Variants in STK38L observed in about 807,000 individuals in gnomAD.
STK38L encodes serine/threonine kinase 38 like, also known as serine/threonine-protein kinase 38-like.
STK38L carries 28 observed loss-of-function variants against 59.7 expected under a neutral mutation model. The ratio of observed to expected loss-of-function variants is 0.47; its 90% CI spans 0.35 to 0.64. The LOEUF (loss-of-function observed/expected upper bound fraction) is 0.64, where lower values mean the gene tolerates loss of function less well. STK38L is among the 30% of genes least tolerant of loss of function. The pLI, the probability that STK38L is intolerant of heterozygous loss-of-function variation, is 0.01. For missense variants in STK38L, 314 were observed against 555.8 expected (o/e 0.56, Z 4.37); for synonymous variants, 162 against 176.8 (o/e 0.92, Z 0.66).
chr12:27,287,854 C>T (rs1371823269), intron 1 of STK38L, among the ~76,000 whole-genome samples: 1 of 152,164 alleles, frequency 6.6e-6, no homozygotes, highest in Non-Finnish European at 1.5e-5. Context: ...TATGTTGCCT[C>T]ATTCTAAGCG....
Position 27,319,242 on chromosome 12 carries a change from T to C in STK38L, c.1080-86T>C, listed in dbSNP as rs1021232886. On this transcript the variant is annotated intron_variant, in intron 11 of 13. Transcript: ENST00000389032. ...CAATAAAAGAAAAACATTATATTTCTTTAAAAAAGAAATATTTGAAGTAAT... is the reference window on the plus strand; with the variant it reads ...CAATAAAAGAAAAACATTATATTTCCTTAAAAAAGAAATATTTGAAGTAAT... 3.2e-5 allele frequency: 26 copies of C among 808,746 alleles called. No homozygotes were observed. In the African/African-American group the frequency reaches 4.4e-4, roughly 14 times the overall value. The allele number at this position is 808,746 out of a possible 1,614,324, so 50.1% of individuals were successfully genotyped here. A position where few individuals can be genotyped will look rare whatever the true frequency, so the allele number is the denominator to read the frequency against.
intron 1 of STK38L, among the ~76,000 whole-genome samples, chr12:27,268,223 C>T (rs137901519): frequency 0.12 from 18,084 of 151,974 alleles, 1,284 homozygotes; most frequent in Non-Finnish European, 0.17. Flanking sequence ...CCCATTAACT[C>T]GTCATTTAAC....
chr12:27,310,490 A>C (rs1015872630), intron 5 of STK38L, among the ~76,000 whole-genome samples: 1 of 152,174 alleles, frequency 6.6e-6, no homozygotes, highest in Admixed American at 6.5e-5. Flanking sequence ...TGTAGTGTAG[A>C]TACCAGCCAG....
chr12:27,250,186 G>A (rs1275932889), intron 1 of STK38L, among the ~76,000 whole-genome samples: 1 of 152,032 alleles, frequency 6.6e-6, no homozygotes, highest in Admixed American at 6.6e-5. Flanking sequence ...ACTTTTCAGG[G>A]GGCCAAGTTC....
rs1012168274 is a variant in STK38L at position 27,309,207 on chromosome 12, C to A, written c.393+10C>A. Reference sequence around the variant, plus strand: ...GCTTGAAAAAGAGCAGGTATGAGTTCTTTAACACATGTAATATAAAGGAGC... The same window carrying A: ...GCTTGAAAAAGAGCAGGTATGAGTTATTTAACACATGTAATATAAAGGAGC... On this transcript the variant is annotated intron_variant, in intron 5 of 13. Coordinates refer to ENST00000389032, the MANE Select transcript of STK38L (RefSeq NM_015000.4). The A allele has an allele frequency of 9.5e-6, 15 of 1,576,900 alleles. No homozygotes were observed. The highest frequency in any genetic ancestry group is 1.3e-5 in the Non-Finnish European group (15 of 1,157,972).
intron 1 of STK38L, among the ~76,000 whole-genome samples, chr12:27,254,377 C>A (rs1481986182): frequency 6.6e-6 from 1 of 152,192 alleles, no homozygotes; most frequent in Non-Finnish European, 1.5e-5. Context: ...CCCTAAACTT[C>A]AGATGGTGTC....
Position 27,253,670 on chromosome 12 carries a change from AG to A in STK38L, c.-12+9339del, listed in dbSNP as rs1252456364. Reference sequence around the variant, plus strand: ...AGGGAGAGGGGCACCTACTTGGGATAGTGAGAGAAGCTTTCCAAGGATGTGT... The same window carrying A: ...AGGGAGAGGGGCACCTACTTGGGATATGAGAGAAGCTTTCCAAGGATGTGT... On this transcript the variant is annotated intron_variant, in intron 1 of 13. Transcript: ENST00000389032. Among the ~76,000 whole-genome samples, 5 of 152,302 alleles carry A rather than the reference AG, an allele frequency of 3.3e-5. No homozygotes were observed. The East Asian group carries it at 9.7e-4, about 29-fold the overall frequency.
rs1353864130 is a variant in STK38L at position 27,281,076 on chromosome 12, T to G, written c.-11-16634T>G. On this transcript the variant is annotated intron_variant, in intron 1 of 13. Transcript: ENST00000389032. ...TTTTGGCTTTAGCTTTGTTTTTTTT[T>G]TTTTTTTTTTTTTTTTTTTTTTTTT... Among the ~76,000 whole-genome samples the G allele has an allele frequency of 2.7e-3, 5 of 1,828 alleles. 2 individuals are homozygous for G. Among genetic ancestry groups the G allele is most frequent in the African/African-American group, 0.011 (5 of 450 alleles). 1.2% of individuals were successfully genotyped at this position (1,828 alleles called of 152,430 possible).
At chr12:27,269,912 A>G (rs1196983886) in intron 1 of STK38L, among the ~76,000 whole-genome samples, 1 of 152,090 alleles carries the variant, frequency 6.6e-6, no homozygotes, top group Non-Finnish European at 1.5e-5. Flanking sequence ...CAAAGTGTTG[A>G]GATTACAGGC....
chr12:27,306,353 T>TAA (rs57053659), intron 3 of STK38L, among the ~76,000 whole-genome samples: 1 of 151,090 alleles, frequency 6.6e-6, no homozygotes, highest in East Asian at 1.9e-4. Flanking sequence ...TTTATGTAAT[T>TAA]AAAAAAAAAC....
Position 27,325,320 on chromosome 12 carries a change from A to G in STK38L, c.*2865A>G, listed in dbSNP as rs145313965. 1.3e-5 allele frequency: 2 copies of G among 152,256 alleles called. No individual in the cohort carries two copies. Among genetic ancestry groups the G allele is most frequent in the Non-Finnish European group, 2.9e-5 (2 of 67,982 alleles). 9.4% of individuals were successfully genotyped at this position (152,256 alleles called of 1,614,324 possible). A position where few individuals can be genotyped will look rare whatever the true frequency, so the allele number is the denominator to read the frequency against. ...CTAAGATAGGGTTTCATTTATTTCTATACTTTTTCTGTTTTTTAAACACCT... is the reference window on the plus strand; with the variant it reads ...CTAAGATAGGGTTTCATTTATTTCTGTACTTTTTCTGTTTTTTAAACACCT... On this transcript the variant is annotated 3_prime_UTR_variant, in exon 14 of 14. Coordinates refer to ENST00000389032, the MANE Select transcript of STK38L (RefSeq NM_015000.4).
At chr12:27,255,731 A>C (rs1943077864) in intron 1 of STK38L, among the ~76,000 whole-genome samples, 1 of 152,076 alleles carries the variant, frequency 6.6e-6, no homozygotes, top group African/African-American at 2.4e-5. Flanking sequence ...CACTCCCTGC[A>C]CTGTGAGTGT....
chr12:27,305,530 GTA>G (rs1944289818), intron 3 of STK38L, among the ~76,000 whole-genome samples: 1 of 152,122 alleles, frequency 6.6e-6, no homozygotes, highest in African/African-American at 2.4e-5. Context: ...TTAATATAAA[GTA>G]TGTTACAGCA....
At chr12:27,277,813 C>A (rs1229397201) in intron 1 of STK38L, among the ~76,000 whole-genome samples, 1 of 151,742 alleles carries the variant, frequency 6.6e-6, no homozygotes, top group African/African-American at 2.4e-5. Context: ...AAAACTTTCT[C>A]CCCTTAAAAA....
At chr12:27,312,054 T>C (rs1360020093) in intron 5 of STK38L, among the ~76,000 whole-genome samples, 1 of 152,182 alleles carries the variant, frequency 6.6e-6, no homozygotes, top group Non-Finnish European at 1.5e-5. Flanking sequence ...TAATTTTTTG[T>C]ATGTTTAGTA....
intron 6 of STK38L, among the ~76,000 whole-genome samples, chr12:27,312,935 AT>A (rs1263847766): frequency 1.3e-5 from 2 of 152,200 alleles, no homozygotes; most frequent in African/African-American, 4.8e-5. Flanking sequence ...GTGTTAGTTT[AT>A]TTTATGTTGT....
intron 3 of STK38L, among the ~76,000 whole-genome samples, chr12:27,304,950 T>C (rs1454532303): frequency 6.6e-6 from 1 of 152,244 alleles, no homozygotes; most frequent in African/African-American, 2.4e-5. Context: ...AAAATATTAT[T>C]TTCTTAAATA....
At chr12:27,261,708 C>T (rs551763017) in intron 1 of STK38L, among the ~76,000 whole-genome samples, 3 of 152,262 alleles carry the variant, frequency 2.0e-5, no homozygotes, top group East Asian at 3.9e-4. Flanking sequence ...ACCATTTTAA[C>T]TGTGTGACCT....
In STK38L at chr12:27,297,844, A is replaced by G; in HGVS notation, c.124A>G (p.Arg42Gly). ...CAACCTAATTTTACAGCATGAAGAGAGAGAAACCAGGTATAGTAAGGGCTA... is the reference window on the plus strand; with the variant it reads ...CAACCTAATTTTACAGCATGAAGAGGGAGAAACCAGGTATAGTAAGGGCTA... ...YSNLILQHEE[R>G]ETRQKKLEVA... is the part of the protein sequence containing the mutation. Residue 42 changes from arginine to glycine, a missense_variant, in exon 2 of 14, where the codon AGA becomes GGA. By Grantham distance (125) the Arg-to-Gly change is moderately radical (BLOSUM62 -2). Transcript: ENST00000389032. 1 of 1,614,080 alleles carries G rather than the reference A, an allele frequency of 6.2e-7. No homozygotes were observed. Among genetic ancestry groups the G allele is most frequent in the Non-Finnish European group, 8.5e-7 (1 of 1,179,990 alleles).
Sources: gnomAD v4.1 joint callset for allele counts (sites outside exome capture counted in the v4.1 genomes callset) on GRCh38, gnomAD v4.1.1 for gene constraint, MANE v1.5 for transcripts, NCBI Gene and HGNC (gene_info 2026-07-23, HGNC 2026-07-21) for gene names.